ADCY1: variants seen among roughly 807,000 people sequenced by gnomAD.
ADCY1 encodes the protein adenylate cyclase type 1.
In ADCY1, 28 loss-of-function variants were observed where a neutral mutation model predicts 105.4. That is an observed-to-expected ratio of 0.27 (90% CI 0.20 to 0.36). The LOEUF is 0.36. ADCY1 is among the 10% of genes least tolerant of loss of function. The pLI is 1.00. For synonymous variants in ADCY1, 655 were observed against 623.8 expected (o/e 1.05, Z -0.75); for missense variants, 977 against 1,434.2 (o/e 0.68, Z 5.15).
intron 14 of ADCY1, among the ~76,000 whole-genome samples, chr7:45,690,476 G>A (rs980614233): frequency 6.6e-6 from 1 of 152,226 alleles, no homozygotes; most frequent in Non-Finnish European, 1.5e-5. Flanking sequence ...CATGCAAAGA[G>A]GAACTGGGAA....
intron 2 of ADCY1, among the ~76,000 whole-genome samples, chr7:45,594,261 C>T (rs559517252): frequency 2.0e-5 from 3 of 152,150 alleles, no homozygotes; most frequent in African/African-American, 4.8e-5. Flanking sequence ...ATGAATGTGT[C>T]GGTGTGTGTA....
chr7:45,689,585 G>A (rs1475954778), intron 14 of ADCY1, among the ~76,000 whole-genome samples: 1 of 152,130 alleles, frequency 6.6e-6, no homozygotes, highest in Non-Finnish European at 1.5e-5. Context: ...CAAGCCATGA[G>A]GTATCCACCT....
At position 45,689,955 on chromosome 7, in the gene ADCY1, C is replaced by T. The variant is rs1784756445; in HGVS notation, c.2454+3282C>T. On this transcript the variant is annotated intron_variant, in intron 14 of 19. Transcript: ENST00000297323. Reference sequence around the variant, plus strand: ...AGGAGTCAGAGTCCAATCACAGGGGCCAGTGCTCCCTCCAGGCCCCCTGTG... The same window carrying T: ...AGGAGTCAGAGTCCAATCACAGGGGTCAGTGCTCCCTCCAGGCCCCCTGTG... Among the ~76,000 whole-genome samples, 3 of 152,216 alleles carry T rather than the reference C, an allele frequency of 2.0e-5. 1 individual carries two copies. The highest frequency in any genetic ancestry group is 4.1e-4 in the South Asian group (2 of 4,832).
intron 8 of ADCY1, among the ~76,000 whole-genome samples, chr7:45,677,604 C>T (rs552776738): frequency 1.3e-5 from 2 of 152,160 alleles, no homozygotes; most frequent in East Asian, 1.9e-4. Flanking sequence ...CCACTGCAAA[C>T]GTGTTTAATC....
At chr7:45,642,492 G>GC (rs1033521926) in intron 4 of ADCY1, among the ~76,000 whole-genome samples, 4 of 152,152 alleles carry the variant, frequency 2.6e-5, no homozygotes, top group East Asian at 1.9e-4. Flanking sequence ...TCCCATTTTG[G>GC]CCCCCCATCC....
At position 45,578,552 on chromosome 7, in the gene ADCY1, G is replaced by A. The variant is rs544472918; in HGVS notation, c.639+3370G>A. Among the ~76,000 whole-genome samples the A allele has an allele frequency of 4.2e-4, 64 of 152,294 alleles. No homozygotes were observed. In the Middle Eastern group the frequency reaches 0.014, roughly 32 times the overall value. On this transcript the variant is annotated intron_variant, in intron 1 of 19. Transcript: ENST00000297323. ...GTAGGGGTGAGTGCCAAGGACCATGGGGTATTAGGAAGGCAGAGAAAGGGA... is the reference window on the plus strand; with the variant it reads ...GTAGGGGTGAGTGCCAAGGACCATGAGGTATTAGGAAGGCAGAGAAAGGGA...
At chr7:45,608,663 A>G (rs1793446001) in intron 2 of ADCY1, among the ~76,000 whole-genome samples, 1 of 152,208 alleles carries the variant, frequency 6.6e-6, no homozygotes, top group African/African-American at 2.4e-5. Flanking sequence ...TGGGATCAGC[A>G]TTTGTGGCTC....
intron 4 of ADCY1, among the ~76,000 whole-genome samples, chr7:45,643,484 T>C (rs960747214): frequency 6.6e-6 from 1 of 152,110 alleles, no homozygotes. Flanking sequence ...CAATTGGAGA[T>C]TTCTTTGTGG....
rs1408583126 is a variant in ADCY1, at chr7:45,718,975, A to G, written c.*4980A>G. On this transcript the variant is annotated 3_prime_UTR_variant, in exon 20 of 20. Coordinates refer to ENST00000297323, the MANE Select transcript of ADCY1 (RefSeq NM_021116.4). ...TGTGGTCAGGCCCTGCCGTTGGGGA[A>G]TGAATGCCACACGGGGTTTGTCTGT... 6.5e-6 allele frequency: 1 copy of G among 152,800 alleles called. No individual in the cohort carries two copies. Among genetic ancestry groups the G allele is most frequent in the African/African-American group, 2.4e-5 (1 of 41,466 alleles). 9.5% of individuals were successfully genotyped at this position (152,800 alleles called of 1,614,324 possible).
chr7:45,664,253 G>A (rs1282027471), intron 8 of ADCY1: 1 of 1,528,684 alleles, frequency 6.5e-7, no homozygotes, highest in Non-Finnish European at 8.8e-7. Context: ...CAGAGAAGCT[G>A]TGTCGGACCC....
chr7:45,697,983 C>G (rs932113668), intron 14 of ADCY1, among the ~76,000 whole-genome samples: 1 of 152,150 alleles, frequency 6.6e-6, no homozygotes, highest in African/African-American at 2.4e-5. Flanking sequence ...CTCCAATTCC[C>G]CCAGCTATGA....
At chr7:45,658,739 CTG>C (rs776716927) in intron 6 of ADCY1, among the ~76,000 whole-genome samples, 165 of 152,374 alleles carry the variant, frequency 1.1e-3, no homozygotes, top group Middle Eastern at 3.4e-3. Flanking sequence ...TTTCTGGAGA[CTG>C]TGGTGACTGG....
intron 3 of ADCY1, among the ~76,000 whole-genome samples, chr7:45,611,238 G>A (rs1230885684): frequency 5.9e-5 from 9 of 151,858 alleles, no homozygotes; most frequent in Non-Finnish European, 4.4e-5. Flanking sequence ...AGGGAGGAGA[G>A]GGCAGATGTG....
At chr7:45,621,588 G>A (rs1170873954) in intron 3 of ADCY1, among the ~76,000 whole-genome samples, 4 of 152,302 alleles carry the variant, frequency 2.6e-5, no homozygotes, top group Non-Finnish European at 4.4e-5. Context: ...GGAACGGTTG[G>A]ATAAGTTGCT....
chr7:45,681,185 G>T (rs962828730), intron 11 of ADCY1, among the ~76,000 whole-genome samples: 1 of 152,238 alleles, frequency 6.6e-6, no homozygotes, highest in Non-Finnish European at 1.5e-5. Flanking sequence ...CACATGATCT[G>T]TGGGATTGGG....
At chr7:45,688,715 T>C (rs1173771349) in intron 14 of ADCY1, among the ~76,000 whole-genome samples, 1 of 152,192 alleles carries the variant, frequency 6.6e-6, no homozygotes, top group Non-Finnish European at 1.5e-5. Context: ...AAAACATGGC[T>C]TATTTTTTCC....
intron 4 of ADCY1, among the ~76,000 whole-genome samples, chr7:45,630,539 A>G (rs556509074): frequency 6.6e-6 from 1 of 152,288 alleles, no homozygotes; most frequent in East Asian, 1.9e-4. Context: ...TAACTCTTAC[A>G]TCTTCTGTTG....
chr7:45,714,739 C>T lies in ADCY1; in HGVS notation c.*744C>T, dbSNP rs182271781. 1 of 152,774 alleles carries T rather than the reference C, an allele frequency of 6.5e-6. No individual in the cohort carries two copies. Among genetic ancestry groups the T allele is most frequent in the East Asian group, 1.9e-4 (1 of 5,188 alleles). The allele number at this position is 152,774 out of a possible 1,614,324, so 9.5% of individuals were successfully genotyped here. ...TGTGACCCCCTCTCCACAACCATGG[C>T]CAGCATCGGCTTCTTGCTGCACCTG... On this transcript the variant is annotated 3_prime_UTR_variant, in exon 20 of 20. Coordinates refer to ENST00000297323, the MANE Select transcript of ADCY1 (RefSeq NM_021116.4).
intron 2 of ADCY1, among the ~76,000 whole-genome samples, chr7:45,598,691 T>C (rs754452415): frequency 7.2e-5 from 11 of 152,150 alleles, no homozygotes; most frequent in Non-Finnish European, 1.6e-4. Context: ...AAAAGATTGA[T>C]TCAGTAATTT....
Sources: allele counts gnomAD v4.1 joint callset (sites outside exome capture counted in the v4.1 genomes callset), GRCh38; gene constraint gnomAD v4.1.1; transcripts MANE v1.5; gene names NCBI Gene and HGNC (gene_info 2026-07-23, HGNC 2026-07-21).